MAST2: variants seen among roughly 807,000 people sequenced by gnomAD.
The protein encoded by MAST2 is microtubule associated serine/threonine kinase 2, also known as microtubule-associated serine/threonine-protein kinase 2.
MAST2 carries 70 observed loss-of-function variants against 147.4 expected under a neutral mutation model. The ratio of observed to expected loss-of-function variants is 0.47; its 90% CI spans 0.39 to 0.58. The LOEUF (loss-of-function observed/expected upper bound fraction) is 0.58, where lower values mean the gene tolerates loss of function less well. MAST2 is among the 20% of genes least tolerant of loss of function. MAST2 has a pLI of 0.00. For missense variants in MAST2, 2,080 were observed against 2,302.3 expected, an observed-to-expected ratio of 0.90 and a Z score of 1.98; for synonymous variants, 869 against 896.8, an observed-to-expected ratio of 0.97 and a Z score of 0.55.
In MAST2 at chr1:46,019,528, C is replaced by G; in HGVS notation, c.1189-68C>G. 4.8e-6 allele frequency: 6 copies of G among 1,262,426 alleles called. No individual in the cohort carries two copies. In the South Asian group the frequency reaches 7.2e-5, roughly 15 times the overall value. The allele number at this position is 1,262,426 out of a possible 1,614,324, so 78.2% of individuals were successfully genotyped here. On this transcript the variant is annotated intron_variant, in intron 10 of 28. Transcript: ENST00000361297. ...TGTTTCTCCCTGGAGTCAGCTCTGC[C>G]CTGTCTGGTCCTGCTTAGCCCAGCC... is the stretch of plus-strand genomic sequence containing the variant.
chr1:45,983,721 G>C (rs1644504034), intron 5 of MAST2, among the ~76,000 whole-genome samples: 1 of 152,004 alleles, frequency 6.6e-6, no homozygotes, highest in Non-Finnish European at 1.5e-5. Context: ...TTAAACTCCT[G>C]AACTCCAGAA....
chr1:45,834,776 T>G (rs1429281922), intron 3 of MAST2, among the ~76,000 whole-genome samples: 1 of 152,156 alleles, frequency 6.6e-6, no homozygotes, highest in Non-Finnish European at 1.5e-5. Flanking sequence ...GGTCAGTTCC[T>G]GCTTTGCTTT....
intron 4 of MAST2, among the ~76,000 whole-genome samples, chr1:45,887,648 A>G (rs1647154437): frequency 6.6e-6 from 1 of 152,156 alleles, no homozygotes; most frequent in African/African-American, 2.4e-5. Flanking sequence ...ATGCAACTTG[A>G]TGCCTGGATC....
intron 5 of MAST2, among the ~76,000 whole-genome samples, chr1:45,976,273 G>A (rs1040945285): frequency 6.6e-6 from 1 of 151,926 alleles, no homozygotes; most frequent in Non-Finnish European, 1.5e-5. Context: ...CACCACACCC[G>A]GGGAAAACTA....
chr1:45,896,042 ATTTTTTTTTT>A (rs71062724), intron 4 of MAST2, among the ~76,000 whole-genome samples: 1 of 129,350 alleles, frequency 7.7e-6, no homozygotes, highest in Non-Finnish European at 1.7e-5. Context: ...TATTTCTTAG[ATTTTTTTTTT>A]TTTTTTGAGA....
intron 5 of MAST2, among the ~76,000 whole-genome samples, chr1:45,978,978 C>CA (rs1343073919): frequency 2.4e-4 from 36 of 152,276 alleles, no homozygotes; most frequent in African/African-American, 8.4e-4. Flanking sequence ...CTAAAAACCT[C>CA]TAAACTGCAC....
At chr1:46,010,574 T>C (rs1645671729) in intron 9 of MAST2, among the ~76,000 whole-genome samples, 156 bp from the exon 10 acceptor site, 1 of 152,216 alleles carries the variant, frequency 6.6e-6, no homozygotes, top group Non-Finnish European at 1.5e-5. Flanking sequence ...GAAGGTGATC[T>C]ATTAATGTCT....
chr1:46,028,011 C>A, intron 17 of MAST2, 148 bp downstream of exon 17: 2 of 902,214 alleles, frequency 2.2e-6, no homozygotes, highest in East Asian at 2.5e-5. Context: ...GACCCCATCT[C>A]TACATTTGTG....
Position 45,804,027 on chromosome 1 carries a change from G to C in MAST2, c.132G>C (p.Arg44=), listed in dbSNP as rs1459157056. Residue 44 remains arginine (R), a synonymous_variant, in exon 1 of 29, where the codon CGG becomes CGC. Transcript: ENST00000361297. ...GGCGAGCGCCGCCCGGGAGGCAGCGGCTGGAGGAGCGGACGGGCCCCGCGG... is the reference window on the plus strand; with the variant it reads ...GGCGAGCGCCGCCCGGGAGGCAGCGCCTGGAGGAGCGGACGGGCCCCGCGG... ...PRRRAPPGRQ[R]LEERTGPAGP... 1 of 1,246,580 alleles carries C rather than the reference G, an allele frequency of 8.0e-7. No individual in the cohort carries two copies. Among genetic ancestry groups the C allele is most frequent in the African/African-American group, 1.6e-5 (1 of 63,748 alleles). 77.2% of individuals were successfully genotyped at this position (1,246,580 alleles called of 1,614,324 possible). A position where few individuals can be genotyped will look rare whatever the true frequency, so the allele number is the denominator to read the frequency against.
chr1:45,832,906 A>G (rs188685227), intron 3 of MAST2, among the ~76,000 whole-genome samples: 4 of 152,292 alleles, frequency 2.6e-5, no homozygotes, highest in African/African-American at 7.2e-5. Context: ...TATTTTCTTT[A>G]CTTTAGAAAC....
At chr1:45,935,955 A>G (rs929547536) in intron 4 of MAST2, among the ~76,000 whole-genome samples, 2 of 152,236 alleles carry the variant, frequency 1.3e-5, no homozygotes, top group African/African-American at 4.8e-5. Context: ...TTTGAGAGGA[A>G]TAACATTGAA....
chr1:45,914,986 G>T (rs564951874), intron 4 of MAST2, among the ~76,000 whole-genome samples: 4 of 152,150 alleles, frequency 2.6e-5, no homozygotes, highest in Admixed American at 6.5e-5. Context: ...TATGGCCCAG[G>T]CGGGAGGGCA....
At chr1:45,826,766 C>G (rs1406985743) in intron 2 of MAST2, among the ~76,000 whole-genome samples, 1 of 152,084 alleles carries the variant, frequency 6.6e-6, no homozygotes, top group Non-Finnish European at 1.5e-5. Context: ...AGTTTTTTCA[C>G]CCCCTCATTA....
intron 4 of MAST2, among the ~76,000 whole-genome samples, chr1:45,921,740 C>G (rs905624145): frequency 6.6e-6 from 1 of 152,182 alleles, no homozygotes; most frequent in Non-Finnish European, 1.5e-5. Context: ...AGCTCAGGCT[C>G]GGGGAGCTCT....
intron 5 of MAST2, among the ~76,000 whole-genome samples, chr1:45,968,768 A>G (rs1643753068): frequency 6.7e-6 from 1 of 150,098 alleles, no homozygotes; most frequent in Admixed American, 6.6e-5. Flanking sequence ...TTATGTCATT[A>G]TTGCTTCAAA....
At chr1:45,960,091 A>G (rs1185686555) in intron 5 of MAST2, among the ~76,000 whole-genome samples, 1 of 152,130 alleles carries the variant, frequency 6.6e-6, no homozygotes, top group Non-Finnish European at 1.5e-5. Context: ...TTTCATAATG[A>G]TACTGATATT....
At chr1:45,990,731 C>T (rs1644825508) in intron 5 of MAST2, among the ~76,000 whole-genome samples, 1 of 152,182 alleles carries the variant, frequency 6.6e-6, no homozygotes, top group South Asian at 2.1e-4. Flanking sequence ...AGCAGTCCTC[C>T]ATCTTCAGCC....
At chr1:45,832,161 C>G (rs1308573019) in intron 3 of MAST2, among the ~76,000 whole-genome samples, 1 of 152,068 alleles carries the variant, frequency 6.6e-6, no homozygotes, top group Non-Finnish European at 1.5e-5. Flanking sequence ...CTATTAAAGC[C>G]TCGCCTGCTT....
intron 4 of MAST2, among the ~76,000 whole-genome samples, chr1:45,902,102 G>A (rs1298742414): frequency 2.6e-5 from 4 of 152,084 alleles, no homozygotes; most frequent in African/African-American, 4.8e-5. Flanking sequence ...TCAGTATGAT[G>A]CTATTGGCTG....
Sources: gnomAD v4.1 joint callset for allele counts (sites outside exome capture counted in the v4.1 genomes callset) on GRCh38, gnomAD v4.1.1 for gene constraint, MANE v1.5 for transcripts, NCBI Gene and HGNC (gene_info 2026-07-23, HGNC 2026-07-21) for gene names.